Variants in PCDHAC1 observed in about 807,000 individuals in gnomAD.
PCDHAC1 encodes the protein protocadherin alpha subfamily C, 1, also known as protocadherin alpha-C1.
PCDHAC1 carries 42 observed loss-of-function variants against 60.0 expected under a neutral mutation model. The observed-to-expected ratio is 0.70, with a 90% CI of 0.55 to 0.90. PCDHAC1 has a LOEUF of 0.90. Ranked by LOEUF, PCDHAC1 falls within the 40% of genes least tolerant of loss-of-function variation. The pLI is 0.00. For synonymous variants in PCDHAC1, 468 were observed against 499.3 expected (o/e 0.94, Z 0.84); for missense variants, 1,160 against 1,222.3 (o/e 0.95, Z 0.76).
chr5:140,976,378 C>G (rs908008970), intron 1 of PCDHAC1, among the ~76,000 whole-genome samples: 2 of 151,926 alleles, frequency 1.3e-5, no homozygotes, highest in Non-Finnish European at 2.9e-5. Flanking sequence ...TGGTGAAACC[C>G]CATCTCTACT....
At chr5:140,967,453 C>T in intron 1 of PCDHAC1, 1 of 1,613,556 alleles carries the variant, frequency 6.2e-7, no homozygotes, top group South Asian at 1.1e-5. Context: ...TTCTCACAGC[C>T]GTGGATGGGG....
intron 1 of PCDHAC1, among the ~76,000 whole-genome samples, chr5:140,961,185 G>T (rs2095595656): frequency 6.6e-6 from 1 of 152,100 alleles, no homozygotes; most frequent in Non-Finnish European, 1.5e-5. Context: ...ACTCCTCACA[G>T]GACCCTAGTG....
At chr5:140,970,006 A>G (rs2096376265) in intron 1 of PCDHAC1, among the ~76,000 whole-genome samples, 1 of 152,158 alleles carries the variant, frequency 6.6e-6, no homozygotes, top group Non-Finnish European at 1.5e-5. Context: ...GAGGGAGTGG[A>G]TGATGGTGAG....
chr5:140,985,389 C>T (rs1376347712), intron 3 of PCDHAC1, among the ~76,000 whole-genome samples: 1 of 152,266 alleles, frequency 6.6e-6, no homozygotes, highest in African/African-American at 2.4e-5. Context: ...AATCCAGTCA[C>T]CCCAACTGTT....
intron 1 of PCDHAC1, among the ~76,000 whole-genome samples, chr5:140,959,108 C>T (rs1299073504): frequency 1.3e-5 from 2 of 151,918 alleles, no homozygotes; most frequent in East Asian, 3.9e-4. Flanking sequence ...AGCAGGGGTC[C>T]GAAGGTGGGC....
At chr5:140,999,321 A>G (rs1043394227) in intron 3 of PCDHAC1, among the ~76,000 whole-genome samples, 32 of 152,198 alleles carry the variant, frequency 2.1e-4, no homozygotes, top group Non-Finnish European at 3.2e-4. Context: ...ACAGACATTG[A>G]TCTGTGTGAT....
chr5:141,000,705 G>A (rs912231910), intron 3 of PCDHAC1, among the ~76,000 whole-genome samples: 6 of 151,458 alleles, frequency 4.0e-5, no homozygotes, highest in African/African-American at 1.2e-4. Context: ...TGGGATTACA[G>A]GCATGAGCCA....
intron 3 of PCDHAC1, among the ~76,000 whole-genome samples, chr5:140,992,975 T>G (rs2097535680): frequency 6.6e-6 from 1 of 152,178 alleles, no homozygotes; most frequent in Admixed American, 6.6e-5. Context: ...TGACAATGAT[T>G]AGGCCATGGG....
intron 3 of PCDHAC1, among the ~76,000 whole-genome samples, chr5:140,982,814 A>G (rs1166333981): frequency 6.6e-6 from 1 of 151,580 alleles, no homozygotes; most frequent in Non-Finnish European, 1.5e-5. Context: ...TGTGTGTATG[A>G]AGTTTTTGGG....
In PCDHAC1 at chr5:140,926,340, C is replaced by G. The variant is rs2083154977; in HGVS notation, c.-553C>G. ...TGCGCCGGGGTCAGAGCGCCGGGACCCGACGCGCGGCTCCCAAAGGGCGGC... is the reference window on the plus strand; with the variant it reads ...TGCGCCGGGGTCAGAGCGCCGGGACGCGACGCGCGGCTCCCAAAGGGCGGC... On this transcript the variant is annotated 5_prime_UTR_variant, in exon 1 of 4. Transcript: ENST00000253807. The G allele has an allele frequency of 6.6e-6, 1 of 152,400 alleles. No individual in the cohort carries two copies. The highest frequency in any genetic ancestry group is 1.5e-5 in the Non-Finnish European group (1 of 68,094). The allele number at this position is 152,400 out of a possible 1,614,324, so 9.4% of individuals were successfully genotyped here. A position where few individuals can be genotyped will look rare whatever the true frequency, so the allele number is the denominator to read the frequency against.
At chr5:140,938,719 T>A (rs1484492024) in intron 1 of PCDHAC1, among the ~76,000 whole-genome samples, 2 of 152,098 alleles carry the variant, frequency 1.3e-5, no homozygotes, top group African/African-American at 4.8e-5. Context: ...TAGAAACGCG[T>A]TTCTACAGAA....
chr5:140,956,878 A>G (rs890203275), intron 1 of PCDHAC1, among the ~76,000 whole-genome samples: 4 of 152,188 alleles, frequency 2.6e-5, no homozygotes, highest in Admixed American at 2.6e-4. Context: ...GAAAAGTTAG[A>G]TATCAATGAA....
intron 3 of PCDHAC1, among the ~76,000 whole-genome samples, chr5:140,987,811 C>CT (rs1444999429): frequency 6.6e-6 from 1 of 152,100 alleles, no homozygotes; most frequent in East Asian, 1.9e-4. Flanking sequence ...GTGCCTGTCT[C>CT]TTTGTTTCCT....
chr5:140,953,443 A>G (rs1434216967), intron 1 of PCDHAC1, among the ~76,000 whole-genome samples: 1 of 152,078 alleles, frequency 6.6e-6, no homozygotes, highest in Non-Finnish European at 1.5e-5. Flanking sequence ...TGGAGAAACT[A>G]GGGATTATCT....
chr5:141,009,716 C>A lies in PCDHAC1; in HGVS notation c.2671C>A (p.Gln891Lys). Residue 891 changes from glutamine (Q) to lysine (K), a missense_variant, in exon 4 of 4, where the codon CAA becomes AAA. This residue lies in a region of PCDHAC1 where 1,113 missense variants were observed against 1,163.7 expected (regional missense o/e 0.96). Transcript: ENST00000253807. ...TFKYGPGNPK[Q>K]SGPGELPDKF... is the part of the protein sequence containing the mutation. ...TAAATACGGACCAGGCAACCCCAAACAATCCGGTCCCGGTGAGTTGCCCGA... is the reference window on the plus strand; with the variant it reads ...TAAATACGGACCAGGCAACCCCAAAAAATCCGGTCCCGGTGAGTTGCCCGA... 3 of 1,614,168 alleles carry A rather than the reference C, an allele frequency of 1.9e-6. No homozygotes were observed. The highest frequency in any genetic ancestry group is 2.5e-6 in the Non-Finnish European group (3 of 1,180,034).
At chr5:140,934,695 T>G (rs155824) in intron 1 of PCDHAC1, among the ~76,000 whole-genome samples, 48,210 of 151,950 alleles carry the variant, frequency 0.32, 7,985 homozygotes, top group East Asian at 0.53. Flanking sequence ...ATGAATTGAT[T>G]CCTGGCCATC....
intron 3 of PCDHAC1, among the ~76,000 whole-genome samples, chr5:140,982,794 CAT>C (rs1491349118): frequency 4.0e-5 from 6 of 150,946 alleles, no homozygotes; most frequent in Admixed American, 1.3e-4. Context: ...CGCATGTGTG[CAT>C]GTGTGTGTGT....
chr5:140,969,148 G>T, intron 1 of PCDHAC1: 1 of 1,614,102 alleles, frequency 6.2e-7, no homozygotes. Flanking sequence ...ACTGCTACAA[G>T]GCCTGTCTGA....
At chr5:140,966,488 C>A (rs1161799910) in intron 1 of PCDHAC1, 8 of 440,132 alleles carry the variant, frequency 1.8e-5, no homozygotes, top group Admixed American at 8.7e-5. Flanking sequence ...TTTCCCTCCC[C>A]CTGGAGCTGT....
Sources: allele counts gnomAD v4.1 joint callset (sites outside exome capture counted in the v4.1 genomes callset), GRCh38; gene constraint gnomAD v4.1.1; regional missense constraint gnomAD v4.1.1; transcripts MANE v1.5; gene names NCBI Gene and HGNC (gene_info 2026-07-23, HGNC 2026-07-21).